The following PLCE1 variants were observed in gnomAD, a reference collection of about 807,000 sequenced individuals.
PLCE1 encodes the protein phospholipase C epsilon 1, also known as 1-phosphatidylinositol 4,5-bisphosphate phosphodiesterase epsilon-1.
A neutral mutation model predicts 242.8 loss-of-function variants in PLCE1; 119 were observed. The observed-to-expected ratio is 0.49, with a 90% confidence interval of 0.42 to 0.57. PLCE1 has a LOEUF of 0.57. Ranked by LOEUF, PLCE1 falls within the 20% of genes least tolerant of loss-of-function variation. PLCE1 has a pLI of 0.00. For missense variants in PLCE1, 2,441 were observed against 2,788.8 expected, an observed-to-expected ratio of 0.88 and a Z score of 2.81; for synonymous variants, 945 against 1,017.4, an observed-to-expected ratio of 0.93 and a Z score of 1.35.
At chr10:94,155,388 A>G (rs2047400404) in intron 3 of PLCE1, among the ~76,000 whole-genome samples, 1 of 152,238 alleles carries the variant, frequency 6.6e-6, no homozygotes. Context: ...ACAAAAGGTC[A>G]CATATTCTAT....
chr10:94,123,201 A>C (rs904794253), intron 2 of PLCE1, among the ~76,000 whole-genome samples: 2 of 152,154 alleles, frequency 1.3e-5, no homozygotes, highest in Non-Finnish European at 2.9e-5. Flanking sequence ...GGAGGAGGTA[A>C]AATTTTAATA....
chr10:94,137,879 TG>T, intron 3 of PLCE1: 1 of 300,974 alleles, frequency 3.3e-6, no homozygotes. Flanking sequence ...CAGTCTCCAC[TG>T]AAAAATGAAA....
intron 1 of PLCE1, among the ~76,000 whole-genome samples, chr10:93,996,423 A>G (rs374384146): frequency 1.1e-4 from 16 of 152,326 alleles, no homozygotes; most frequent in African/African-American, 3.4e-4. Flanking sequence ...ATTAGGAAAC[A>G]TGGTGCTTCT....
chr10:94,106,243 T>C (rs1472418207), intron 2 of PLCE1: 1 of 152,262 alleles, frequency 6.6e-6, no homozygotes, highest in African/African-American at 2.4e-5. Flanking sequence ...GCTTTTCTTA[T>C]GTTAACTAGT....
chr10:94,301,161 A>G (rs2053023251), intron 24 of PLCE1, among the ~76,000 whole-genome samples: 1 of 151,922 alleles, frequency 6.6e-6, no homozygotes, highest in Non-Finnish European at 1.5e-5. Flanking sequence ...CCTGGCCAAC[A>G]TGGTAAAACC....
intron 2 of PLCE1, among the ~76,000 whole-genome samples, chr10:94,056,510 A>T (rs1038201904): frequency 7.9e-5 from 12 of 152,204 alleles, no homozygotes; most frequent in African/African-American, 2.4e-4. Flanking sequence ...CCACTAAAGG[A>T]TGCCTAGTGT....
At chr10:94,101,187 C>G (rs1238575637) in intron 2 of PLCE1, among the ~76,000 whole-genome samples, 1 of 152,130 alleles carries the variant, frequency 6.6e-6, no homozygotes, top group Non-Finnish European at 1.5e-5. Flanking sequence ...ACTTCCTAGC[C>G]TCACCTGCGC....
At position 94,234,053 on chromosome 10, in the gene PLCE1, G is replaced by T; in HGVS notation, c.1956-1G>T. ...TGAAAAATGTCATTTACTTGCAATA[G>T]GTCAAGAAAAGTTTTAAAAATGTGG... On this transcript the variant is annotated splice_acceptor_variant, in intron 5 of 32. Transcript: ENST00000371380. LOFTEE classifies it high-confidence loss of function. The T allele has an allele frequency of 1.2e-6, 2 of 1,612,960 alleles. No homozygotes were observed. The highest frequency in any genetic ancestry group is 2.2e-5 in the East Asian group (1 of 44,838).
chr10:94,281,735 A>G (rs1347671110), intron 20 of PLCE1, among the ~76,000 whole-genome samples: 1 of 152,132 alleles, frequency 6.6e-6, no homozygotes, highest in Non-Finnish European at 1.5e-5. Flanking sequence ...ACTTAAGCCC[A>G]CTACCACTAC....
At chr10:94,076,232 A>G (rs2044496677) in intron 2 of PLCE1, among the ~76,000 whole-genome samples, 1 of 152,096 alleles carries the variant, frequency 6.6e-6, no homozygotes, top group Non-Finnish European at 1.5e-5. Context: ...GGGGTACGGG[A>G]TATCCTTATT....
At chr10:94,214,246 T>C (rs1264547690) in intron 4 of PLCE1, among the ~76,000 whole-genome samples, 1 of 152,202 alleles carries the variant, frequency 6.6e-6, no homozygotes, top group African/African-American at 2.4e-5. Context: ...CCAGGGCATC[T>C]GGGGACTGCA....
At chr10:94,065,408 A>T (rs1291509364) in intron 2 of PLCE1, among the ~76,000 whole-genome samples, 1 of 152,184 alleles carries the variant, frequency 6.6e-6, no homozygotes, top group Non-Finnish European at 1.5e-5. Flanking sequence ...ATCATGGCCA[A>T]TCTTCTCTTG....
At position 94,328,012 on chromosome 10, in the gene PLCE1, A is replaced by G. The variant is rs759024887; in HGVS notation, c.*69A>G. On this transcript the variant is annotated 3_prime_UTR_variant, in exon 33 of 33. Coordinates refer to ENST00000371380, the MANE Select transcript of PLCE1 (RefSeq NM_016341.4). ...AAGTTAAAGAGTGAACATGGTGGAA[A>G]AAATATAATTATTTTCATCAGACTT... The G allele has an allele frequency of 1.9e-6, 1 of 531,250 alleles. No individual in the cohort carries two copies. 32.9% of individuals were successfully genotyped at this position (531,250 alleles called of 1,614,324 possible). A position where few individuals can be genotyped will look rare whatever the true frequency, so the allele number is the denominator to read the frequency against.
chr10:93,995,187 A>C (rs1175038465), intron 1 of PLCE1, among the ~76,000 whole-genome samples: 2 of 152,182 alleles, frequency 1.3e-5, no homozygotes. Context: ...AGGTGCTTGT[A>C]CAGGTGCCCA....
intron 1 of PLCE1, among the ~76,000 whole-genome samples, chr10:94,017,419 C>T (rs944754599): frequency 1.9e-4 from 29 of 152,038 alleles, no homozygotes; most frequent in Non-Finnish European, 8.8e-5. Flanking sequence ...CTAAAATGAA[C>T]TTTGAGTTTT....
At chr10:94,274,304 A>G (rs2051864389) in intron 19 of PLCE1, among the ~76,000 whole-genome samples, 1 of 152,208 alleles carries the variant, frequency 6.6e-6, no homozygotes, top group Non-Finnish European at 1.5e-5. Context: ...ATGACAGCTG[A>G]CAAAACTATT....
intron 2 of PLCE1, 135 bp from the exon 3 acceptor site, chr10:94,132,039 C>T (rs953774973): frequency 6.5e-6 from 5 of 765,008 alleles, no homozygotes; most frequent in Middle Eastern, 3.7e-4. Flanking sequence ...ATGCATGAGC[C>T]GAGTGCTCAG....
At chr10:94,044,113 A>T (rs2061831043) in intron 2 of PLCE1, among the ~76,000 whole-genome samples, 1 of 152,226 alleles carries the variant, frequency 6.6e-6, no homozygotes, top group African/African-American at 2.4e-5. Context: ...AACACATTAG[A>T]TGCCCTGAGA....
chr10:94,187,237 A>G (rs1297406752), intron 4 of PLCE1, among the ~76,000 whole-genome samples: 2 of 151,790 alleles, frequency 1.3e-5, no homozygotes, highest in African/African-American at 4.8e-5. Flanking sequence ...AATAGGAAAT[A>G]TCATGAATAA....
Sources: gnomAD v4.1 joint callset for allele counts (sites outside exome capture counted in the v4.1 genomes callset) on GRCh38, gnomAD v4.1.1 for gene constraint, MANE v1.5 for transcripts, NCBI Gene and HGNC (gene_info 2026-07-23, HGNC 2026-07-21) for gene names.